The following NBEA variants were observed in gnomAD, a reference collection of about 807,000 sequenced individuals.
NBEA encodes the protein neurobeachin, also known as lysosomal-trafficking regulator 2.
In NBEA, 44 loss-of-function variants were observed where a neutral mutation model predicts 343.4. The ratio of observed to expected loss-of-function variants is 0.13; its 90% CI spans 0.10 to 0.16. The LOEUF is 0.16. Ranked by LOEUF, NBEA falls within the 10% of genes least tolerant of loss-of-function variation. The probability of loss-of-function intolerance (pLI) is 1.00; values close to 1 mark genes in which losing one functional copy is unlikely to be tolerated. For synonymous variants in NBEA, 1,175 were observed against 1,238.7 expected (o/e 0.95, Z 1.08); for missense variants, 2,555 against 3,631.3 (o/e 0.70, Z 7.62).
At chr13:34,977,395 G>C (rs1195483383) in intron 1 of NBEA, among the ~76,000 whole-genome samples, 5 of 151,106 alleles carry the variant, frequency 3.3e-5, no homozygotes, top group African/African-American at 4.9e-5. Context: ...TGCAACCCCT[G>C]TCTCCCGGAT....
At chr13:35,345,264 A>T (rs1373844693) in intron 36 of NBEA, among the ~76,000 whole-genome samples, 1 of 152,078 alleles carries the variant, frequency 6.6e-6, no homozygotes, top group Non-Finnish European at 1.5e-5. Context: ...ATTTTAATTT[A>T]AAAAACAATA....
At chr13:35,153,578 T>C (rs776810644) in intron 18 of NBEA, among the ~76,000 whole-genome samples, 5 of 152,244 alleles carry the variant, frequency 3.3e-5, no homozygotes, top group Non-Finnish European at 7.3e-5. Flanking sequence ...GAATATGTTA[T>C]AGTTTTCAAA....
chr13:35,302,587 C>T (rs910276548), intron 35 of NBEA, among the ~76,000 whole-genome samples: 1 of 152,074 alleles, frequency 6.6e-6, no homozygotes, highest in Non-Finnish European at 1.5e-5. Flanking sequence ...ATTAATGGAG[C>T]ATGTGTGACA....
chr13:35,318,427 G>A (rs1210407013), intron 36 of NBEA, among the ~76,000 whole-genome samples: 1 of 151,978 alleles, frequency 6.6e-6, no homozygotes, highest in Non-Finnish European at 1.5e-5. Context: ...GTGTTGAACC[G>A]GCGTTGCATC....
chr13:35,165,508 C>T (rs868346909), intron 24 of NBEA, among the ~76,000 whole-genome samples: 1 of 152,078 alleles, frequency 6.6e-6, no homozygotes, highest in Admixed American at 6.6e-5. Flanking sequence ...CTAAGAAGAA[C>T]AGTATAAATT....
intron 34 of NBEA, among the ~76,000 whole-genome samples, chr13:35,237,198 T>G (rs1245561583): frequency 6.6e-6 from 1 of 152,008 alleles, no homozygotes. Context: ...GAGGCTGCAG[T>G]GAGCCACGAT....
At chr13:35,661,533 T>C (rs779126528) in intron 55 of NBEA, among the ~76,000 whole-genome samples, 5 of 152,098 alleles carry the variant, frequency 3.3e-5, no homozygotes, top group Non-Finnish European at 5.9e-5. Flanking sequence ...CACAGAATGT[T>C]TTTACTTGCA....
At chr13:35,436,281 G>A (rs1458168040) in intron 39 of NBEA, among the ~76,000 whole-genome samples, 1 of 152,184 alleles carries the variant, frequency 6.6e-6, no homozygotes, top group African/African-American at 2.4e-5. Context: ...TTTTGGAGTT[G>A]TATAGATGTA....
At chr13:35,307,986 G>A (rs1387305357) in intron 35 of NBEA, among the ~76,000 whole-genome samples, 1 of 152,000 alleles carries the variant, frequency 6.6e-6, no homozygotes, top group Non-Finnish European at 1.5e-5. Flanking sequence ...CTAGAACCCA[G>A]TGGCTTTGTA....
chr13:35,031,808 C>T (rs1244487743), intron 1 of NBEA, among the ~76,000 whole-genome samples: 3 of 151,818 alleles, frequency 2.0e-5, no homozygotes, highest in Non-Finnish European at 4.4e-5. Context: ...CCACCCTCCA[C>T]CTTCAAATAG....
At chr13:35,604,177 C>T (rs923269776) in intron 47 of NBEA, among the ~76,000 whole-genome samples, 10 of 152,166 alleles carry the variant, frequency 6.6e-5, no homozygotes, top group African/African-American at 1.9e-4. Flanking sequence ...TGCCCTTTAG[C>T]CTGTCTTATC....
At chr13:35,173,828 C>A (rs1307122153) in intron 27 of NBEA, among the ~76,000 whole-genome samples, 2 of 152,056 alleles carry the variant, frequency 1.3e-5, no homozygotes, top group Admixed American at 6.6e-5. Flanking sequence ...AAAGTTCTTA[C>A]AAATATTATA....
At chr13:35,495,002 C>T (rs1238267965) in intron 41 of NBEA, among the ~76,000 whole-genome samples, 3 of 151,186 alleles carry the variant, frequency 2.0e-5, no homozygotes, top group African/African-American at 7.3e-5. Context: ...CAGAGTGAGA[C>T]TCTGTCAAAA....
intron 1 of NBEA, among the ~76,000 whole-genome samples, chr13:34,963,904 AAAT>A (rs201386386): frequency 0.016 from 2,397 of 152,072 alleles, 65 homozygotes; most frequent in African/African-American, 0.049. Context: ...ATAATAATAA[AAAT>A]AATAATAAAC....
intron 34 of NBEA, among the ~76,000 whole-genome samples, chr13:35,248,318 A>G (rs2031500288): frequency 6.6e-6 from 1 of 152,226 alleles, no homozygotes; most frequent in African/African-American, 2.4e-5. Flanking sequence ...AAATTGATCA[A>G]TGTAATACAT....
At chr13:35,324,790 T>G (rs2038424022) in intron 36 of NBEA, among the ~76,000 whole-genome samples, 1 of 152,108 alleles carries the variant, frequency 6.6e-6, no homozygotes, top group South Asian at 2.1e-4. Context: ...TAGAAGGAGC[T>G]ATTTCATTGG....
At chr13:35,540,901 A>G (rs978419764) in intron 41 of NBEA, among the ~76,000 whole-genome samples, 23 of 152,196 alleles carry the variant, frequency 1.5e-4, no homozygotes, top group Admixed American at 1.2e-3. Context: ...ATAAAATACA[A>G]TTCACATAGA....
chr13:35,484,284 A>G (rs968304913), intron 41 of NBEA, among the ~76,000 whole-genome samples: 4,919 of 146,874 alleles, frequency 0.033, 244 homozygotes, highest in East Asian at 0.18. Context: ...GTATATATAT[A>G]TATATATATG....
chr13:35,640,496 G>A (rs1027577969), intron 49 of NBEA, among the ~76,000 whole-genome samples: 1 of 152,190 alleles, frequency 6.6e-6, no homozygotes, highest in Non-Finnish European at 1.5e-5. Flanking sequence ...GCATACCCAT[G>A]CACGGTGGCC....
Sources: gnomAD v4.1 joint callset for allele counts (sites outside exome capture counted in the v4.1 genomes callset) on GRCh38, gnomAD v4.1.1 for gene constraint, MANE v1.5 for transcripts, NCBI Gene and HGNC (gene_info 2026-07-23, HGNC 2026-07-21) for gene names.